Variants in ADARB2 observed in about 807,000 individuals in gnomAD.
The protein encoded by ADARB2 is inactive double-stranded RNA-specific editase B2.
A neutral mutation model predicts 62.2 loss-of-function variants in ADARB2; 25 were observed. The ratio of observed to expected loss-of-function variants is 0.40; its 90% CI spans 0.29 to 0.56. The LOEUF (loss-of-function observed/expected upper bound fraction) is 0.56, where lower values mean the gene tolerates loss of function less well. Ranked by LOEUF, ADARB2 falls within the 20% of genes least tolerant of loss-of-function variation. ADARB2 has a pLI of 0.43. For synonymous variants in ADARB2, 572 were observed against 500.8 expected (o/e 1.14, Z -1.90); for missense variants, 1,071 against 1,077.4 (o/e 0.99, Z 0.08).
intron 1 of ADARB2, among the ~76,000 whole-genome samples, chr10:1,411,509 C>T (rs963578155): frequency 4.6e-5 from 7 of 152,314 alleles, no homozygotes; most frequent in South Asian, 2.1e-4. Context: ...GAACCCAAAG[C>T]GGGAATTTGA....
At chr10:1,303,882 C>T (rs1831599561) in intron 3 of ADARB2, among the ~76,000 whole-genome samples, 1 of 151,994 alleles carries the variant, frequency 6.6e-6, no homozygotes, top group Non-Finnish European at 1.5e-5. Context: ...AAGCACTAAA[C>T]ATGGAAAGGA....
chr10:1,347,277 G>A (rs1167672308), intron 3 of ADARB2, among the ~76,000 whole-genome samples: 1 of 152,212 alleles, frequency 6.6e-6, no homozygotes, highest in African/African-American at 2.4e-5. Context: ...TCGTGTCAGA[G>A]GACCGAGGCC....
intron 1 of ADARB2, among the ~76,000 whole-genome samples, chr10:1,723,299 C>T (rs1835119853): frequency 6.6e-6 from 1 of 152,220 alleles, no homozygotes; most frequent in African/African-American, 2.4e-5. Flanking sequence ...GAGTTTTGTG[C>T]TCCTGTCCTC....
At chr10:1,653,094 T>C (rs1472971816) in intron 1 of ADARB2, among the ~76,000 whole-genome samples, 1 of 152,158 alleles carries the variant, frequency 6.6e-6, no homozygotes, top group Non-Finnish European at 1.5e-5. Context: ...GGGTGGCTGA[T>C]CCCAATGTGA....
chr10:1,436,882 T>C (rs1269857990), intron 1 of ADARB2, among the ~76,000 whole-genome samples: 3 of 152,226 alleles, frequency 2.0e-5, no homozygotes, highest in African/African-American at 7.2e-5. Flanking sequence ...TATTGCTTAC[T>C]GTTTGGCATT....
chr10:1,695,733 CATGT>C (rs1364019732), intron 1 of ADARB2, among the ~76,000 whole-genome samples: 1 of 152,060 alleles, frequency 6.6e-6, no homozygotes, highest in South Asian at 2.1e-4. Context: ...TGAGACCATG[CATGT>C]GTATGTATAC....
At chr10:1,230,246 A>G (rs867748) in intron 6 of ADARB2, among the ~76,000 whole-genome samples, 28,024 of 152,078 alleles carry the variant, frequency 0.18, 2,942 homozygotes, top group East Asian at 0.28. Flanking sequence ...TCTTTTGGGA[A>G]TGTGGTCCTC....
chr10:1,499,770 C>T (rs1227471441), intron 1 of ADARB2, among the ~76,000 whole-genome samples: 1 of 152,144 alleles, frequency 6.6e-6, no homozygotes, highest in Non-Finnish European at 1.5e-5. Flanking sequence ...ACTTGTTACT[C>T]ACTCATTACT....
chr10:1,546,703 G>A (rs1832525559), intron 1 of ADARB2, among the ~76,000 whole-genome samples: 1 of 152,260 alleles, frequency 6.6e-6, no homozygotes, highest in South Asian at 2.1e-4. Flanking sequence ...TGGTAATGAT[G>A]TTTAGGAGAT....
intron 3 of ADARB2, among the ~76,000 whole-genome samples, chr10:1,297,639 C>T (rs1831535061): frequency 6.6e-6 from 1 of 152,260 alleles, no homozygotes; most frequent in Non-Finnish European, 1.5e-5. Flanking sequence ...CTCCTCTCCT[C>T]TTGGAACAGT....
Position 1,464,414 on chromosome 10 carries a change from C to A in ADARB2, c.101-85254G>T, listed in dbSNP as rs111356050. Reference sequence around the variant, plus strand: ...GGGTGGACACACACTCCCCCACACACGCGCGGGGGCCAGTCACAGCGGGCA... The same window carrying A: ...GGGTGGACACACACTCCCCCACACAAGCGCGGGGGCCAGTCACAGCGGGCA... On this transcript the variant is annotated intron_variant, in intron 1 of 9. Coordinates refer to ENST00000381312, the MANE Select transcript of ADARB2 (RefSeq NM_018702.4). Among the ~76,000 whole-genome samples the A allele has an allele frequency of 1.1e-4, 13 of 115,518 alleles. 2 individuals carry two copies. Among genetic ancestry groups the A allele is most frequent in the South Asian group, 2.8e-4 (1 of 3,512 alleles). 75.8% of individuals were successfully genotyped at this position (115,518 alleles called of 152,430 possible). A position where few individuals can be genotyped will look rare whatever the true frequency, so the allele number is the denominator to read the frequency against.
chr10:1,588,371 A>T (rs892282804), intron 1 of ADARB2, among the ~76,000 whole-genome samples: 3 of 152,170 alleles, frequency 2.0e-5, no homozygotes, highest in Non-Finnish European at 2.9e-5. Context: ...TGATCAACAA[A>T]GCCCTTCCTT....
intron 1 of ADARB2, among the ~76,000 whole-genome samples, chr10:1,479,179 T>A (rs1316269676): frequency 6.6e-6 from 1 of 152,104 alleles, no homozygotes; most frequent in South Asian, 2.1e-4. Flanking sequence ...AGAGTCCAAT[T>A]CTTAAGGCAG....
chr10:1,395,369 G>T (rs1167114766), intron 1 of ADARB2, among the ~76,000 whole-genome samples: 1 of 152,134 alleles, frequency 6.6e-6, no homozygotes, highest in Non-Finnish European at 1.5e-5. Flanking sequence ...ACTCTCCGAC[G>T]GTCCTGGGAG....
At chr10:1,627,023 G>A (rs1789444745) in intron 1 of ADARB2, among the ~76,000 whole-genome samples, 1 of 151,666 alleles carries the variant, frequency 6.6e-6, no homozygotes, top group Non-Finnish European at 1.5e-5. Context: ...CCCGGGCCCC[G>A]GCGCACCCGC....
At chr10:1,720,471 TATTCAGGGA>T (rs1835076328) in intron 1 of ADARB2, among the ~76,000 whole-genome samples, 1 of 152,178 alleles carries the variant, frequency 6.6e-6, no homozygotes. Flanking sequence ...ACACCCAATT[TATTCAGGGA>T]AGAAACTCAC....
chr10:1,556,693 G>A (rs780331745), intron 1 of ADARB2: 1 of 534,460 alleles, frequency 1.9e-6, no homozygotes, highest in South Asian at 1.4e-5. Context: ...AGCAAACCGG[G>A]ACCAGAGGGC....
At chr10:1,265,969 C>T (rs941005908) in intron 4 of ADARB2, among the ~76,000 whole-genome samples, 1 of 131,132 alleles carries the variant, frequency 7.6e-6, no homozygotes, top group East Asian at 2.5e-4. Flanking sequence ...CAGACTCTCC[C>T]GGAAGACGGC....
intron 1 of ADARB2, among the ~76,000 whole-genome samples, chr10:1,388,146 T>C (rs1468283487): frequency 3.3e-5 from 5 of 152,180 alleles, no homozygotes; most frequent in Admixed American, 6.5e-5. Context: ...ATTGTTGTAA[T>C]ATCAATTGTC....
Sources: allele counts gnomAD v4.1 joint callset (sites outside exome capture counted in the v4.1 genomes callset), GRCh38; gene constraint gnomAD v4.1.1; transcripts MANE v1.5; gene names NCBI Gene and HGNC (gene_info 2026-07-23, HGNC 2026-07-21).